EYS: variants seen among roughly 807,000 people sequenced by gnomAD.
EYS encodes the protein protein eyes shut homolog.
In EYS, 250 loss-of-function variants were observed where a neutral mutation model predicts 282.1. The observed-to-expected ratio is 0.89, with a 90% confidence interval of 0.80 to 0.98. EYS has a LOEUF of 0.98. Among genes scored for constraint, EYS ranks in the 50% least tolerant of loss-of-function variants. EYS has a pLI of 0.00. For synonymous variants in EYS, 1,355 were observed against 1,282.9 expected (o/e 1.06, Z -1.20); for missense variants, 4,016 against 3,709.0 (o/e 1.08, Z -2.15).
intron 32 of EYS, among the ~76,000 whole-genome samples, chr6:64,070,848 G>C (rs1211958866): frequency 6.6e-6 from 1 of 151,986 alleles, no homozygotes; most frequent in Admixed American, 6.6e-5. Context: ...ATTTGGTGCT[G>C]CTGCCTTAAT....
intron 12 of EYS, among the ~76,000 whole-genome samples, chr6:65,152,713 C>G (rs1484259660): frequency 6.6e-6 from 1 of 151,646 alleles, no homozygotes; most frequent in Admixed American, 6.6e-5. Flanking sequence ...ATACTTAGGT[C>G]ATTTTGAGTA....
Position 65,033,103 on chromosome 6 carries a change from C to A in EYS, c.2137+24511G>T, listed in dbSNP as rs370194337. On this transcript the variant is annotated intron_variant, in intron 13 of 42. Transcript: ENST00000503581. The stretch of plus-strand genomic sequence containing the variant: ...AAGAGTGATAATTTAGAATACCTGG[C>A]AGAGGAAATTTCTAAGCAGCCAAGT... 4.6e-5 allele frequency among the ~76,000 whole-genome samples: 7 copies of A among 152,252 alleles called. No individual in the cohort carries two copies. In the East Asian group the frequency reaches 1.2e-3, roughly 25 times the overall value.
chr6:65,306,765 G>A (rs1423874547), intron 11 of EYS, among the ~76,000 whole-genome samples: 10 of 134,710 alleles, frequency 7.4e-5, no homozygotes, highest in East Asian at 6.2e-4. Flanking sequence ...CCTGGGAGGC[G>A]GAGGTTGCAG....
chr6:64,422,161 CAGAT>C (rs991137661), intron 28 of EYS, among the ~76,000 whole-genome samples: 3 of 143,238 alleles, frequency 2.1e-5, no homozygotes, highest in African/African-American at 3.0e-5. Context: ...GATAGATAGA[CAGAT>C]AGATGACAGA....
chr6:64,875,470 T>G (rs1051177855), intron 19 of EYS, among the ~76,000 whole-genome samples: 1 of 152,052 alleles, frequency 6.6e-6, no homozygotes. Context: ...CAGTTGCATT[T>G]GAAATGAGCA....
At chr6:64,548,784 A>C (rs898074880) in intron 26 of EYS, among the ~76,000 whole-genome samples, 6 of 152,174 alleles carry the variant, frequency 3.9e-5, no homozygotes, top group Non-Finnish European at 5.9e-5. Context: ...CATATGTAAC[A>C]AACCTGCACG....
rs571078892 is a variant in EYS, at chr6:64,565,017, T to C, written c.5644+25206A>G. Among the ~76,000 whole-genome samples, 47 of 152,312 alleles carry C rather than the reference T, an allele frequency of 3.1e-4. No homozygotes were observed. In the South Asian group the frequency reaches 9.5e-3, roughly 31 times the overall value. Reference sequence around the variant, plus strand: ...TTCAGATCCTTTGCGTAAATTTTTTTTCTGTTGATTTATTTGACTTTCTTA... The same window carrying C: ...TTCAGATCCTTTGCGTAAATTTTTTCTCTGTTGATTTATTTGACTTTCTTA... On this transcript the variant is annotated intron_variant, in intron 26 of 42. Coordinates refer to ENST00000503581, the MANE Select transcript of EYS (RefSeq NM_001142800.2).
intron 13 of EYS, among the ~76,000 whole-genome samples, chr6:65,011,499 A>G (rs765559764): frequency 1.3e-5 from 2 of 152,192 alleles, no homozygotes; most frequent in African/African-American, 2.4e-5. Flanking sequence ...CATGCTCTGA[A>G]GTTAATGACA....
intron 24 of EYS, among the ~76,000 whole-genome samples, chr6:64,603,155 A>G (rs1766814840): frequency 6.6e-6 from 1 of 152,112 alleles, no homozygotes; most frequent in East Asian, 1.9e-4. Flanking sequence ...TGGGATAACT[A>G]TTTTAAACCA....
intron 22 of EYS, among the ~76,000 whole-genome samples, chr6:64,640,473 G>T (rs1052825685): frequency 2.0e-5 from 3 of 151,138 alleles, no homozygotes; most frequent in African/African-American, 7.3e-5. Flanking sequence ...GCAAGGACAA[G>T]AAACCAAACA....
intron 12 of EYS, among the ~76,000 whole-genome samples, chr6:65,122,874 A>C (rs1775603256): frequency 2.0e-5 from 3 of 152,118 alleles, no homozygotes; most frequent in Non-Finnish European, 4.4e-5. Flanking sequence ...ATGCAACAAC[A>C]CGTTGAGTTC....
chr6:65,110,820 A>T (rs1775195759), intron 12 of EYS, among the ~76,000 whole-genome samples: 1 of 152,194 alleles, frequency 6.6e-6, no homozygotes, highest in Admixed American at 6.5e-5. Context: ...CAGTATAAAA[A>T]ATCATTGAAG....
At chr6:64,784,537 C>T (rs913185396) in intron 22 of EYS, among the ~76,000 whole-genome samples, 11 of 152,108 alleles carry the variant, frequency 7.2e-5, no homozygotes, top group Non-Finnish European at 1.3e-4. Flanking sequence ...GACTGCTTTA[C>T]TCATTGTTAT....
At chr6:64,418,834 G>A (rs983940861) in intron 28 of EYS, among the ~76,000 whole-genome samples, 3 of 152,010 alleles carry the variant, frequency 2.0e-5, no homozygotes, top group African/African-American at 7.2e-5. Flanking sequence ...CTCTATTCCC[G>A]ACTTTGGTTT....
chr6:64,738,971 C>T (rs551677265), intron 22 of EYS, among the ~76,000 whole-genome samples: 2 of 152,288 alleles, frequency 1.3e-5, no homozygotes, highest in South Asian at 4.1e-4. Context: ...TGGCCTCAAA[C>T]CCCTGACCTT....
rs1023282 is a variant in EYS at position 64,642,267 on chromosome 6, G to C, written c.3444-16022C>G. ...AACATTTTTGTTTTAAATTTCATTC[G>C]TAATTTATCTTTATATTTAACATTC... On this transcript the variant is annotated intron_variant, in intron 22 of 42. Coordinates refer to ENST00000503581, the MANE Select transcript of EYS (RefSeq NM_001142800.2). Among the ~76,000 whole-genome samples, 13 of 152,040 alleles carry C rather than the reference G, an allele frequency of 8.6e-5. No individual in the cohort carries two copies. The East Asian group carries it at 2.3e-3, about 27-fold the overall frequency.
rs1389787312 is a variant in EYS at position 65,497,045 on chromosome 6, C to T, written c.-332-1052G>A. 2.6e-5 allele frequency among the ~76,000 whole-genome samples: 4 copies of T among 151,962 alleles called. No homozygotes were observed. In the East Asian group the frequency reaches 7.7e-4, roughly 29 times the overall value. ...CATATAGAAAGATAAAATACAACTT[C>T]TACATAATTCAATGTTCTACATAAT... On this transcript the variant is annotated intron_variant, in intron 2 of 42. Coordinates refer to ENST00000503581, the MANE Select transcript of EYS (RefSeq NM_001142800.2).
intron 12 of EYS, among the ~76,000 whole-genome samples, chr6:65,128,931 T>TA (rs529502791): frequency 1.6e-3 from 239 of 151,640 alleles, no homozygotes; most frequent in African/African-American, 4.0e-3. Flanking sequence ...AAGGCTGCAG[T>TA]AAAAAAAACC....
At chr6:64,531,653 G>T (rs1475737083) in intron 26 of EYS, among the ~76,000 whole-genome samples, 1 of 151,152 alleles carries the variant, frequency 6.6e-6, no homozygotes, top group Non-Finnish European at 1.5e-5. Context: ...GGATGGTCTT[G>T]ATCTCCTGAT....
Sources: allele counts gnomAD v4.1 joint callset (sites outside exome capture counted in the v4.1 genomes callset), GRCh38; gene constraint gnomAD v4.1.1; transcripts MANE v1.5; gene names NCBI Gene and HGNC (gene_info 2026-07-23, HGNC 2026-07-21).